Variants in CMSS1 observed in about 807,000 individuals in gnomAD.
CMSS1 encodes the protein cms1 ribosomal small subunit homolog.
A neutral mutation model predicts 43.5 loss-of-function variants in CMSS1; 33 were observed. The observed-to-expected ratio is 0.76, with a 90% CI of 0.57 to 1.01. CMSS1 has a LOEUF of 1.01. Ranked by LOEUF, CMSS1 falls within the 50% of genes least tolerant of loss-of-function variation. The pLI is 0.00. For synonymous variants in CMSS1, 115 were observed against 117.2 expected (o/e 0.98, Z 0.12); for missense variants, 313 against 326.4 (o/e 0.96, Z 0.32).
chr3:99,979,799 C>T (rs752362686), intron 1 of CMSS1, among the ~76,000 whole-genome samples: 5 of 152,140 alleles, frequency 3.3e-5, no homozygotes, highest in Non-Finnish European at 7.4e-5. Context: ...CCTCCTAGTC[C>T]TTAAAGAGGG....
chr3:99,926,620 T>A (rs1162627492), intron 1 of CMSS1, among the ~76,000 whole-genome samples: 1 of 152,258 alleles, frequency 6.6e-6, no homozygotes, highest in Non-Finnish European at 1.5e-5. Context: ...ACATTAGAAT[T>A]AATGTATGAA....
At chr3:99,991,101 A>C (rs149185630) in intron 1 of CMSS1, among the ~76,000 whole-genome samples, 244 of 152,302 alleles carry the variant, frequency 1.6e-3, no homozygotes, top group African/African-American at 5.5e-3. Context: ...AAGACCAAAA[A>C]AATTCTTCCC....
chr3:99,966,888 A>C lies in CMSS1; in HGVS notation c.64+148845A>C, dbSNP rs1385690648. Among the ~76,000 whole-genome samples the C allele has an allele frequency of 2.6e-5, 4 of 152,324 alleles. No homozygotes were observed. The East Asian group carries it at 7.7e-4, about 29-fold the overall frequency. The stretch of plus-strand genomic sequence containing the variant: ...ACTAACTCAAGCTGGCAGAACTCCG[A>C]GCAGCCTGGATTGTAAAGTCTGGGT... On this transcript the variant is annotated intron_variant, in intron 1 of 9. Coordinates refer to ENST00000421999, the MANE Select transcript of CMSS1 (RefSeq NM_032359.4).
At chr3:99,920,526 G>A (rs1446441910) in intron 1 of CMSS1, among the ~76,000 whole-genome samples, 1 of 152,190 alleles carries the variant, frequency 6.6e-6, no homozygotes, top group African/African-American at 2.4e-5. Flanking sequence ...TCCACATGTT[G>A]GAGCTGGTCA....
intron 1 of CMSS1, among the ~76,000 whole-genome samples, chr3:100,075,130 C>G (rs1304250164): frequency 6.6e-6 from 1 of 152,066 alleles, no homozygotes; most frequent in African/African-American, 2.4e-5. Context: ...GGGTCAAACC[C>G]AGATTCTCCC....
intron 1 of CMSS1, among the ~76,000 whole-genome samples, chr3:99,868,228 G>C (rs1439756226): frequency 6.6e-6 from 1 of 152,198 alleles, no homozygotes; most frequent in African/African-American, 2.4e-5. Context: ...GTTTCTCACA[G>C]GAGGGACTGC....
chr3:100,082,164 A>T (rs2065942788), intron 1 of CMSS1, among the ~76,000 whole-genome samples: 1 of 152,176 alleles, frequency 6.6e-6, no homozygotes, highest in Non-Finnish European at 1.5e-5. Flanking sequence ...TTTTCCCATT[A>T]TGTTGTTTAT....
At chr3:99,988,701 A>G (rs1368506642) in intron 1 of CMSS1, among the ~76,000 whole-genome samples, 1 of 152,162 alleles carries the variant, frequency 6.6e-6, no homozygotes, top group African/African-American at 2.4e-5. Context: ...AACCCTTTCT[A>G]TTTGTTTCCT....
intron 2 of CMSS1, among the ~76,000 whole-genome samples, chr3:100,154,749 G>A (rs1287757966): frequency 6.6e-6 from 1 of 152,124 alleles, no homozygotes; most frequent in Non-Finnish European, 1.5e-5. Flanking sequence ...GAGGCGGGCA[G>A]ATCACTTGAG....
rs747402840 is a variant in CMSS1 at position 100,158,140 on chromosome 3, A to G, written c.154-2290A>G. Among the ~76,000 whole-genome samples, 137 of 152,118 alleles carry G rather than the reference A, an allele frequency of 9.0e-4. 1 individual carries two copies. Among genetic ancestry groups the G allele is most frequent in the Non-Finnish European group, 6.9e-4 (47 of 68,012 alleles). On this transcript the variant is annotated intron_variant, in intron 2 of 9. Transcript: ENST00000421999. ...GATCCTGCTCAATAGGTCCTTTTCA[A>G]TGCCCTTTATTTTCAGTTTACTGGT...
In CMSS1 at chr3:99,849,302, C is replaced by G. The variant is rs766486139; in HGVS notation, c.64+31259C>G. On this transcript the variant is annotated intron_variant, in intron 1 of 9. Coordinates refer to ENST00000421999, the MANE Select transcript of CMSS1 (RefSeq NM_032359.4). Reference sequence around the variant, plus strand: ...ACTTCTTTAGAAAATACTTGAGGATCGGAAATTCTTCTTCCATTGAGACTA... The same window carrying G: ...ACTTCTTTAGAAAATACTTGAGGATGGGAAATTCTTCTTCCATTGAGACTA... 3.1e-6 allele frequency: 5 copies of G among 1,614,082 alleles called. No homozygotes were observed. The South Asian group carries it at 5.5e-5, about 18-fold the overall frequency.
intron 1 of CMSS1, among the ~76,000 whole-genome samples, chr3:100,115,320 T>A (rs1019693500): frequency 2.0e-5 from 3 of 152,074 alleles, no homozygotes; most frequent in African/African-American, 7.2e-5. Context: ...AAACCAAAGA[T>A]CAGAATAATT....
chr3:100,073,868 C>T (rs563787305), intron 1 of CMSS1, among the ~76,000 whole-genome samples: 1 of 152,200 alleles, frequency 6.6e-6, no homozygotes, highest in Non-Finnish European at 1.5e-5. Flanking sequence ...TTTTAAAACA[C>T]CAGAATTCAA....
intron 1 of CMSS1, among the ~76,000 whole-genome samples, chr3:99,946,601 T>G (rs1708015568): frequency 6.6e-6 from 1 of 152,102 alleles, no homozygotes; most frequent in Non-Finnish European, 1.5e-5. Flanking sequence ...ATGATGCCAT[T>G]TTTTTTAGTG....
Position 99,817,954 on chromosome 3 carries a change from C to G in CMSS1, c.-26C>G. On this transcript the variant is annotated 5_prime_UTR_variant, in exon 1 of 10. Transcript: ENST00000421999. ...CAGCTGGTCGCCTACCCGTGATGTT[C>G]TGCCCACGTCGAGACCTGAGCTGAA... The G allele has an allele frequency of 6.2e-7, 1 of 1,613,124 alleles. No homozygotes were observed. Among genetic ancestry groups the G allele is most frequent in the Non-Finnish European group, 8.5e-7 (1 of 1,179,272 alleles).
chr3:100,053,803 T>A (rs1212085072), intron 1 of CMSS1, among the ~76,000 whole-genome samples: 1 of 152,224 alleles, frequency 6.6e-6, no homozygotes, highest in South Asian at 2.1e-4. Flanking sequence ...ATCAATTCTT[T>A]AGTGACTGCC....
At chr3:99,863,363 C>G (rs926272890) in intron 1 of CMSS1, among the ~76,000 whole-genome samples, 1 of 152,204 alleles carries the variant, frequency 6.6e-6, no homozygotes, top group African/African-American at 2.4e-5. Flanking sequence ...CAAACTGGTA[C>G]TGGTCTTCGG....
At chr3:100,164,004 A>G (rs2067046685) in intron 4 of CMSS1, among the ~76,000 whole-genome samples, 2 of 152,190 alleles carry the variant, frequency 1.3e-5, no homozygotes, top group Admixed American at 6.5e-5. Context: ...AAAAACACAC[A>G]TTGGGTTTGG....
At chr3:100,132,654 C>T (rs900166301) in intron 1 of CMSS1, among the ~76,000 whole-genome samples, 1 of 151,530 alleles carries the variant, frequency 6.6e-6, no homozygotes, top group Non-Finnish European at 1.5e-5. Flanking sequence ...CCCGTCTCTA[C>T]TAAAAATACA....
Sources: allele counts gnomAD v4.1 joint callset (sites outside exome capture counted in the v4.1 genomes callset), GRCh38; gene constraint gnomAD v4.1.1; transcripts MANE v1.5; gene names NCBI Gene and HGNC (gene_info 2026-07-23, HGNC 2026-07-21).